The following PBRM1 variants were observed in gnomAD, a reference collection of about 807,000 sequenced individuals.
The protein encoded by PBRM1 is polybromo 1, also known as protein polybromo-1.
In PBRM1, 27 loss-of-function variants were observed where a neutral mutation model predicts 194.5. The ratio of observed to expected loss-of-function variants is 0.14; its 90% CI spans 0.10 to 0.19. The LOEUF (loss-of-function observed/expected upper bound fraction) is 0.19. Ranked by LOEUF, PBRM1 falls within the 10% of genes least tolerant of loss-of-function variation. The pLI, the probability that PBRM1 is intolerant of heterozygous loss-of-function variation, is 1.00. For synonymous variants in PBRM1, 655 were observed against 693.2 expected (o/e 0.94, Z 0.87); for missense variants, 1,466 against 2,077.2 (o/e 0.71, Z 5.72).
intron 18 of PBRM1, among the ~76,000 whole-genome samples, chr3:52,587,782 C>G (rs1479079224): frequency 7.7e-6 from 1 of 129,484 alleles, no homozygotes; most frequent in Non-Finnish European, 1.6e-5. Flanking sequence ...GAACCTAGCA[C>G]TGTGCTTATT....
chr3:52,552,158 A>G (rs1297346695), intron 27 of PBRM1, among the ~76,000 whole-genome samples: 1 of 152,172 alleles, frequency 6.6e-6, no homozygotes, highest in Admixed American at 6.5e-5. Context: ...CCAGCAATAT[A>G]TTATTAACCT....
At chr3:52,573,893 C>T (rs1311816757) in intron 22 of PBRM1, among the ~76,000 whole-genome samples, 2 of 152,136 alleles carry the variant, frequency 1.3e-5, no homozygotes, top group Non-Finnish European at 2.9e-5. Context: ...AGCCTCTATT[C>T]CTGGTGTAAG....
intron 22 of PBRM1, among the ~76,000 whole-genome samples, chr3:52,569,586 G>C (rs1276533196): frequency 6.6e-6 from 1 of 152,110 alleles, no homozygotes; most frequent in African/African-American, 2.4e-5. Context: ...TATCTAATGG[G>C]ATCATATTAA....
upstream of PBRM1, chr3:52,679,768 T>C: frequency 6.5e-7 from 1 of 1,532,484 alleles, no homozygotes; most frequent in Non-Finnish European, 8.9e-7. Flanking sequence ...TTAAATAGAC[T>C]CTGTCACCAA....
chr3:52,579,683 T>A (rs935719954), intron 20 of PBRM1, among the ~76,000 whole-genome samples: 1 of 152,142 alleles, frequency 6.6e-6, no homozygotes, highest in South Asian at 2.1e-4. Flanking sequence ...ATTAGATTAT[T>A]GAAATAAACG....
intron 1 of PBRM1, among the ~76,000 whole-genome samples, chr3:52,679,140 C>A (rs192713915): frequency 6.6e-6 from 1 of 152,226 alleles, no homozygotes; most frequent in Admixed American, 6.5e-5. Flanking sequence ...TCTCTTCCAG[C>A]GAATTCAGGC....
chr3:52,587,570 C>CTTTTT (rs36056285), intron 18 of PBRM1, 60 bp from the exon 21 acceptor site: 153 of 731,666 alleles, frequency 2.1e-4, no homozygotes, highest in African/African-American at 2.3e-4. Context: ...ACAGAAATCA[C>CTTTTT]TTTTTTTTTT....
At chr3:52,595,124 G>A (rs2153843229) in intron 17 of PBRM1, among the ~76,000 whole-genome samples, 1 of 152,280 alleles carries the variant, frequency 6.6e-6, no homozygotes, top group East Asian at 1.9e-4. Flanking sequence ...AATTGTCAGA[G>A]TTCTTGTGCT....
chr3:52,655,297 T>C (rs1456332027), intron 5 of PBRM1, among the ~76,000 whole-genome samples: 1 of 152,186 alleles, frequency 6.6e-6, no homozygotes, highest in Non-Finnish European at 1.5e-5. Flanking sequence ...TTTTGAGTAT[T>C]CTAGGTACCT....
rs7651709 is a variant in PBRM1 at position 52,661,845 on chromosome 3, C to T, written c.528+288G>A. Among the ~76,000 whole-genome samples, 9,230 of 152,254 alleles carry T rather than the reference C, an allele frequency of 0.061. 344 individuals carry two copies. Among genetic ancestry groups the T allele is most frequent in the African/African-American group, 0.085 (3,525 of 41,538 alleles). ...GATGTCTCAATGTAGCAATACTGGA[C>T]TAATCCTTGATAATATCAAGATTCT... On this transcript the variant is annotated intron_variant, in intron 4 of 29. Coordinates refer to ENST00000296302, the Ensembl canonical transcript of PBRM1.
intron 16 of PBRM1, among the ~76,000 whole-genome samples, chr3:52,605,548 GACAA>G (rs1162760152): frequency 6.6e-6 from 1 of 151,182 alleles, no homozygotes; most frequent in African/African-American, 2.4e-5. Context: ...AAGGTGAACT[GACAA>G]ACAATTAAAA....
At chr3:52,627,215 T>G in intron 13 of PBRM1, 58 bp downstream of exon 14, 2 of 898,902 alleles carry the variant, frequency 2.2e-6, no homozygotes, top group South Asian at 3.0e-5. Flanking sequence ...TTTCTTCACT[T>G]ATCTAAAACA....
Position 52,578,447 on chromosome 3 carries a change from C to A in PBRM1, c.3533+607G>T, listed in dbSNP as rs566992597. Reference sequence around the variant, plus strand: ...AGGGCTAAATCATTCACCTAAGGACCTACAACTAACAGAGCTGGGACTCAG... The same window carrying A: ...AGGGCTAAATCATTCACCTAAGGACATACAACTAACAGAGCTGGGACTCAG... On this transcript the variant is annotated intron_variant, in intron 21 of 29. Transcript: ENST00000296302. Among the ~76,000 whole-genome samples the A allele has an allele frequency of 1.7e-4, 26 of 152,292 alleles. 1 individual carries two copies.
downstream of PBRM1, chr3:52,546,748 T>C (rs577691860): frequency 4.7e-5 from 11 of 233,106 alleles, no homozygotes; most frequent in African/African-American, 2.4e-4. Context: ...CAAATGTTTA[T>C]TGTAGGGTCA....
At chr3:52,545,418 C>T (rs1363645460), downstream of PBRM1, 1 of 230,144 alleles carries the variant, frequency 4.3e-6, no homozygotes, top group Non-Finnish European at 8.6e-6. Flanking sequence ...AGATGAACAA[C>T]AAAAAAAAGA....
chr3:52,599,511 T>C (rs28403209), intron 17 of PBRM1, among the ~76,000 whole-genome samples: 1 of 152,064 alleles, frequency 6.6e-6, no homozygotes, highest in Non-Finnish European at 1.5e-5. Context: ...AATCAAATTT[T>C]AAAAAAATTT....
intron 15 of PBRM1, 35 bp downstream of exon 17, chr3:52,615,316 A>T: frequency 9.0e-7 from 1 of 1,115,480 alleles, no homozygotes; most frequent in Non-Finnish European, 1.4e-6. Context: ...TTCTTGATAG[A>T]CTAAACTAAA....
Position 52,668,034 on chromosome 3 carries a change from G to A in PBRM1, c.384+464C>T, listed in dbSNP as rs137883418. Reference sequence around the variant, plus strand: ...ATGTGGGTTGGGCACAGTGGCTCACGCCCATAATCCCTGCACTTTGGGAGG... The same window carrying A: ...ATGTGGGTTGGGCACAGTGGCTCACACCCATAATCCCTGCACTTTGGGAGG... On this transcript the variant is annotated intron_variant, in intron 3 of 29. Coordinates refer to ENST00000296302, the Ensembl canonical transcript of PBRM1. Among the ~76,000 whole-genome samples, 196 of 152,300 alleles carry A rather than the reference G, an allele frequency of 1.3e-3. 2 individuals carry two copies. The highest frequency in any genetic ancestry group is 4.4e-3 in the African/African-American group (184 of 41,568).
intron 6 of PBRM1, among the ~76,000 whole-genome samples, chr3:52,651,514 C>T (rs1424098846): frequency 6.6e-6 from 1 of 152,182 alleles, no homozygotes; most frequent in African/African-American, 2.4e-5. Context: ...TCTTTTGTCA[C>T]AAATGTATCT....
Sources: gnomAD v4.1 joint callset for allele counts (sites outside exome capture counted in the v4.1 genomes callset) on GRCh38, gnomAD v4.1.1 for gene constraint, MANE v1.5 for transcripts, NCBI Gene and HGNC (gene_info 2026-07-23, HGNC 2026-07-21) for gene names.